The following ACACA variants were observed in gnomAD, a reference collection of about 807,000 sequenced individuals.
ACACA encodes acetyl-CoA carboxylase alpha, also known as acetyl-CoA carboxylase 1.
ACACA carries 103 observed loss-of-function variants against 296.1 expected under a neutral mutation model. That is an observed-to-expected ratio of 0.35 (90% CI 0.30 to 0.41). The LOEUF is 0.41. Among genes scored for constraint, ACACA ranks in the 10% least tolerant of loss-of-function variants. The probability of loss-of-function intolerance (pLI) is 1.00; values close to 1 mark genes in which losing one functional copy is unlikely to be tolerated. For synonymous variants in ACACA, 953 were observed against 1,038.6 expected (o/e 0.92, Z 1.58); for missense variants, 1,554 against 2,989.7 (o/e 0.52, Z 11.20).
intron 41 of ACACA, among the ~76,000 whole-genome samples, chr17:37,178,627 C>T (rs2077205795): frequency 6.6e-6 from 1 of 151,942 alleles, no homozygotes; most frequent in Non-Finnish European, 1.5e-5. Flanking sequence ...TGGTGAAACC[C>T]CATCTCAAGA....
intron 25 of ACACA, among the ~76,000 whole-genome samples, chr17:37,233,550 A>G (rs1312276921): frequency 1.3e-5 from 2 of 152,194 alleles, no homozygotes; most frequent in South Asian, 2.1e-4. Flanking sequence ...AAAACTCACC[A>G]TAATTAGCTT....
intron 1 of ACACA, among the ~76,000 whole-genome samples, chr17:37,361,021 G>A (rs2147605682): frequency 6.6e-6 from 1 of 150,822 alleles, no homozygotes; most frequent in East Asian, 1.9e-4. Flanking sequence ...TAAGTAATAG[G>A]AATTCTTTCC....
chr17:37,189,609 C>A lies in ACACA; in HGVS notation c.4573-1129G>T, dbSNP rs770027026. Among the ~76,000 whole-genome samples, 71 of 152,024 alleles carry A rather than the reference C, an allele frequency of 4.7e-4. 5 individuals are homozygous for A. Among genetic ancestry groups the A allele is most frequent in the Admixed American group, 4.6e-4 (7 of 15,246 alleles). ...TGTATATGGGTGGTTAGAATGAAAG[C>A]AGAGGCTGATCTGAAAAACTCAGAG... On this transcript the variant is annotated intron_variant, in intron 38 of 55. Coordinates refer to ENST00000616317, the MANE Select transcript of ACACA (RefSeq NM_198834.3).
At chr17:37,125,831 C>T in intron 47 of ACACA, 37 bp from the exon 48 acceptor site, 1 of 1,539,426 alleles carries the variant, frequency 6.5e-7, no homozygotes, top group Non-Finnish European at 9.0e-7. Flanking sequence ...AGAATAAGGA[C>T]AGTGAATCCA....
At chr17:37,319,938 G>A (rs2047270684) in intron 3 of ACACA, among the ~76,000 whole-genome samples, 1 of 151,874 alleles carries the variant, frequency 6.6e-6, no homozygotes, top group Admixed American at 6.6e-5. Flanking sequence ...GCAACAGAGT[G>A]AGACTCCATC....
chr17:37,260,289 TATA>T lies in ACACA; in HGVS notation c.1330-762_1330-760del, dbSNP rs2081435039. Among the ~76,000 whole-genome samples, 45 of 20,184 alleles carry T rather than the reference TATA, an allele frequency of 2.2e-3. 1 individual carries two copies. Among genetic ancestry groups the T allele is most frequent in the East Asian group, 0.014 (5 of 370 alleles). The allele number at this position is 20,184 out of a possible 152,430, so 13.2% of individuals were successfully genotyped here. A position where few individuals can be genotyped will look rare whatever the true frequency, so the allele number is the denominator to read the frequency against. ...ATATATATATATATATATATATATATATATATATTTTTTTTTTTTTTTTTTTTG... is the reference window on the plus strand; with the variant it reads ...ATATATATATATATATATATATATATTATATTTTTTTTTTTTTTTTTTTTG... On this transcript the variant is annotated intron_variant, in intron 11 of 55. Coordinates refer to ENST00000616317, the MANE Select transcript of ACACA (RefSeq NM_198834.3).
Position 37,244,741 on chromosome 17 carries a change from A to C in ACACA, c.2596-7T>G. The C allele has an allele frequency of 1.9e-6, 3 of 1,614,146 alleles. No individual in the cohort carries two copies. Among genetic ancestry groups the C allele is most frequent in the Non-Finnish European group, 2.5e-6 (3 of 1,180,032 alleles). On this transcript the variant is annotated splice_polypyrimidine_tract_variant and splice_region_variant and intron_variant, in intron 20 of 55. Coordinates refer to ENST00000616317, the MANE Select transcript of ACACA (RefSeq NM_198834.3). ...TACCTGTGTGAAGTTCAGCCTGTCA[A>C]CCCCAACAAGAGATCAAGTCATCTA...
rs2082314148 is a variant in ACACA, at chr17:37,277,112, T to C, written c.723A>G (p.Ala241=). 6.2e-7 allele frequency: 1 copy of C among 1,613,158 alleles called. No homozygotes were observed. ...AAGCATGACCCCAGCCAGCCCACAC[T>C]GCCTGCAAGGGAATACAATATAATT... The part of the protein sequence containing the change: ...LDIAKRIPVQ[A]VWAGWGHASE... Residue 241 remains alanine, a splice_region_variant and synonymous_variant, in exon 7 of 56, where the codon GCA becomes GCG. Transcript: ENST00000616317.
In ACACA at chr17:37,150,536, T is replaced by C. The variant is rs530304060; in HGVS notation, c.5569-562A>G. ...CATCCTGGGCAACAGAGTGAGACTC[T>C]GTCTCAAAAAAAAAAAGACCTACTT... On this transcript the variant is annotated intron_variant, in intron 44 of 55. Transcript: ENST00000616317. 8.2e-5 allele frequency among the ~76,000 whole-genome samples: 11 copies of C among 133,444 alleles called. No individual in the cohort carries two copies. The South Asian group carries it at 1.9e-3, about 23-fold the overall frequency. 87.5% of individuals were successfully genotyped at this position (133,444 alleles called of 152,430 possible).
chr17:37,404,081 CTA>C (rs1294583975), intron 1 of ACACA, among the ~76,000 whole-genome samples: 11 of 152,164 alleles, frequency 7.2e-5, no homozygotes, highest in Non-Finnish European at 1.5e-4. Context: ...CCCCTGAATG[CTA>C]TGTTTTTAAC....
rs183847848 is a variant in ACACA, at chr17:37,130,357, C to T, written c.5680-139G>A. The T allele has an allele frequency of 5.3e-5, 53 of 994,434 alleles. 1 individual carries two copies. In the Admixed American group the frequency reaches 1.3e-3, roughly 25 times the overall value. 61.6% of individuals were successfully genotyped at this position (994,434 alleles called of 1,614,324 possible). A position where few individuals can be genotyped will look rare whatever the true frequency, so the allele number is the denominator to read the frequency against. The stretch of plus-strand genomic sequence containing the variant: ...TCCATGGGTTGGTTGTTCTGAGGGA[C>T]TATCTGAATCTTCTTCCTAAAAAGA... On this transcript the variant is annotated intron_variant, in intron 45 of 55. Coordinates refer to ENST00000616317, the MANE Select transcript of ACACA (RefSeq NM_198834.3).
intron 43 of ACACA, among the ~76,000 whole-genome samples, chr17:37,151,861 C>T (rs1030723462): frequency 7.9e-5 from 12 of 152,194 alleles, no homozygotes; most frequent in African/African-American, 2.4e-4. Context: ...GGGGTTTCAC[C>T]GTGTTAGCCA....
intron 14 of ACACA, among the ~76,000 whole-genome samples, chr17:37,254,660 G>C (rs1423805598): frequency 6.6e-6 from 1 of 152,034 alleles, no homozygotes; most frequent in Non-Finnish European, 1.5e-5. Context: ...CCAGTAGATA[G>C]CAGATACTCA....
intron 55 of ACACA, 79 bp from the exon 56 acceptor site, chr17:37,087,518 A>G (rs2072289569): frequency 6.4e-7 from 1 of 1,552,174 alleles, no homozygotes; most frequent in Non-Finnish European, 8.9e-7. Context: ...ACTGCCCAAT[A>G]AACATGTGTG....
At chr17:37,286,521 G>A (rs1485489045) in intron 3 of ACACA, among the ~76,000 whole-genome samples, 1 of 152,090 alleles carries the variant, frequency 6.6e-6, no homozygotes, top group Non-Finnish European at 1.5e-5. Context: ...TTCCTGTTCT[G>A]TTCACCAAAC....
At chr17:37,215,894 C>A (rs1303246903) in intron 29 of ACACA, among the ~76,000 whole-genome samples, 5 of 152,050 alleles carry the variant, frequency 3.3e-5, no homozygotes, top group Admixed American at 6.6e-5. Flanking sequence ...AAGGGCTGGG[C>A]TCACAGAATC....
At chr17:37,297,007 G>A (rs954552555) in intron 3 of ACACA, among the ~76,000 whole-genome samples, 1 of 151,580 alleles carries the variant, frequency 6.6e-6, no homozygotes, top group South Asian at 2.1e-4. Context: ...ATGAGCCACC[G>A]TGCCCAGCCT....
In ACACA at chr17:37,191,282, A is replaced by C. The variant is rs762290648; in HGVS notation, c.4417-7T>G. 1 of 1,613,312 alleles carries C rather than the reference A, an allele frequency of 6.2e-7. No homozygotes were observed. The highest frequency in any genetic ancestry group is 1.7e-5 in the Admixed American group (1 of 59,940). On this transcript the variant is annotated splice_polypyrimidine_tract_variant and splice_region_variant and intron_variant, in intron 37 of 55. Transcript: ENST00000616317. ...GATATTCAAAAGAAGCTTCCTATAC[A>C]GGAAGAAAATAATCAACATTAATGT...
intron 3 of ACACA, among the ~76,000 whole-genome samples, chr17:37,311,934 C>T (rs1195156384): frequency 1.3e-5 from 2 of 151,280 alleles, no homozygotes; most frequent in African/African-American, 2.4e-5. Flanking sequence ...ATAGCAGAGG[C>T]AGCATTTCAG....
Sources: gnomAD v4.1 joint callset for allele counts (sites outside exome capture counted in the v4.1 genomes callset) on GRCh38, gnomAD v4.1.1 for gene constraint, MANE v1.5 for transcripts, NCBI Gene and HGNC (gene_info 2026-07-23, HGNC 2026-07-21) for gene names.